The following RTN1 variants were observed in gnomAD, a reference collection of about 807,000 sequenced individuals.
RTN1 encodes the protein reticulon 1, also known as reticulon-1.
In RTN1, 25 loss-of-function variants were observed where a neutral mutation model predicts 65.5. That is an observed-to-expected ratio of 0.38 (90% CI 0.28 to 0.53). RTN1 has a LOEUF of 0.53. RTN1 is among the 20% of genes least tolerant of loss of function. The pLI is 0.79. For missense variants in RTN1, 983 were observed against 1,025.4 expected (o/e 0.96, Z 0.57); for synonymous variants, 471 against 447.6 (o/e 1.05, Z -0.66).
At chr14:59,775,903 C>T (rs541973822) in intron 1 of RTN1, among the ~76,000 whole-genome samples, 1 of 152,204 alleles carries the variant, frequency 6.6e-6, no homozygotes, top group African/African-American at 2.4e-5. Flanking sequence ...CTGTTCCTCT[C>T]ACAACCAGAA....
chr14:59,630,844 G>C, intron 3 of RTN1: 3 of 1,002,504 alleles, frequency 3.0e-6, no homozygotes, highest in Non-Finnish European at 3.6e-6. Context: ...CGGACAGTGG[G>C]TGGGAGGTTT....
intron 3 of RTN1, chr14:59,646,927 C>T (rs1458432839): frequency 6.5e-6 from 1 of 154,132 alleles, no homozygotes; most frequent in Non-Finnish European, 1.5e-5. Flanking sequence ...ATCAAATCCA[C>T]ACATATCAAT....
chr14:59,664,404 C>T (rs140242126), intron 3 of RTN1, among the ~76,000 whole-genome samples: 46 of 152,084 alleles, frequency 3.0e-4, no homozygotes, highest in African/African-American at 9.6e-4. Context: ...CACCATGGCA[C>T]GTATATACCT....
chr14:59,710,156 C>T (rs951081063), intron 3 of RTN1, among the ~76,000 whole-genome samples: 5 of 151,862 alleles, frequency 3.3e-5, no homozygotes, highest in African/African-American at 1.2e-4. Flanking sequence ...GATCCTCTCA[C>T]CTTAGCCTTC....
At chr14:59,834,263 G>GA (rs1887177443) in intron 1 of RTN1, among the ~76,000 whole-genome samples, 1 of 151,970 alleles carries the variant, frequency 6.6e-6, no homozygotes, top group Non-Finnish European at 1.5e-5. Context: ...ATTTCTAGAA[G>GA]AAAACACAGG....
rs1209000797 is a variant in RTN1 at position 59,727,370 on chromosome 14, G to A, written c.1314C>T (p.Gly438=). The stretch of plus-strand genomic sequence containing the variant: ...GCGAGGCGGGCGAGGGCGGCGGGCC[G>A]CCCACGTGGCCAAAGCTCACATAGC... The part of the protein sequence containing the change: ...PSGYVSFGHV[G]GPPPSPASPS... The change falls in exon 3 of 9, where the codon GGC becomes GGT. Residue 438 remains glycine, a synonymous_variant. Coordinates refer to ENST00000267484, the MANE Select transcript of RTN1 (RefSeq NM_021136.3). The surrounding 1 kb of genome is among the most constrained non-coding windows in gnomAD (Gnocchi z 4.2). The A allele has an allele frequency of 1.6e-5, 25 of 1,519,378 alleles. No homozygotes were observed. The highest frequency in any genetic ancestry group is 2.0e-5 in the Non-Finnish European group (23 of 1,133,216). 94.1% of individuals were successfully genotyped at this position (1,519,378 alleles called of 1,614,324 possible). A position where few individuals can be genotyped will look rare whatever the true frequency, so the allele number is the denominator to read the frequency against.
intron 3 of RTN1, among the ~76,000 whole-genome samples, chr14:59,676,450 G>A (rs750272152): frequency 4.5e-4 from 68 of 152,258 alleles, no homozygotes; most frequent in South Asian, 1.7e-3. Flanking sequence ...GTAGTTATAT[G>A]GCCTTAAAGG....
chr14:59,612,262 T>G (rs1280483005), intron 3 of RTN1, among the ~76,000 whole-genome samples: 1 of 152,194 alleles, frequency 6.6e-6, no homozygotes, highest in Non-Finnish European at 1.5e-5. Flanking sequence ...TGATTTTCTC[T>G]TGTAAAGTGG....
At chr14:59,749,242 ATATATCTATATATC>A (rs1885318445) in intron 1 of RTN1, among the ~76,000 whole-genome samples, 3 of 56,906 alleles carry the variant, frequency 5.3e-5, no homozygotes, top group African/African-American at 1.8e-4. Flanking sequence ...ATATATCTAT[ATATATCTATATATC>A]TATATATATC....
At chr14:59,615,953 A>G in intron 3 of RTN1, among the ~76,000 whole-genome samples, 1 of 152,106 alleles carries the variant, frequency 6.6e-6, no homozygotes, top group South Asian at 2.1e-4. Context: ...TACGTATGGT[A>G]ACCTAGGATT....
chr14:59,741,346 AC>A (rs1885113054), intron 2 of RTN1, among the ~76,000 whole-genome samples: 1 of 151,044 alleles, frequency 6.6e-6, no homozygotes. Flanking sequence ...GCCTCTCCTC[AC>A]CCCCACCGCC....
intron 3 of RTN1, among the ~76,000 whole-genome samples, chr14:59,706,276 C>T (rs924098002): frequency 6.6e-6 from 1 of 152,214 alleles, no homozygotes; most frequent in Non-Finnish European, 1.5e-5. Context: ...ATTGTCTCTT[C>T]TCTGGGGCCA....
In RTN1 at chr14:59,870,013, C is replaced by G. The variant is rs189512967; in HGVS notation, c.241+377G>C. On this transcript the variant is annotated intron_variant, in intron 1 of 8. Transcript: ENST00000267484. The surrounding 1 kb of genome is among the most constrained non-coding windows in gnomAD (Gnocchi z 5.1). ...CGCACACTGCGCGCAAACACGCCCC[C>G]CAAAATCCCCACAACCTGTCAAACG... Among the ~76,000 whole-genome samples the G allele has an allele frequency of 3.3e-5, 5 of 152,270 alleles. No homozygotes were observed. The highest frequency in any genetic ancestry group is 9.6e-5 in the African/African-American group (4 of 41,574).
At chr14:59,672,225 T>C (rs958244046) in intron 3 of RTN1, among the ~76,000 whole-genome samples, 1 of 152,124 alleles carries the variant, frequency 6.6e-6, no homozygotes, top group African/African-American at 2.4e-5. Flanking sequence ...ACAACACATA[T>C]GTAAATAGCC....
At position 59,870,607 on chromosome 14, in the gene RTN1, CT is replaced by C; in HGVS notation, c.23del (p.Gln8ArgfsTer26). 1 of 1,431,262 alleles carries C rather than the reference CT, an allele frequency of 7.0e-7. No individual in the cohort carries two copies. Among genetic ancestry groups the C allele is most frequent in the Non-Finnish European group, 9.1e-7 (1 of 1,096,880 alleles). 88.7% of individuals were successfully genotyped at this position (1,431,262 alleles called of 1,614,324 possible). Reference sequence around the variant, plus strand: ...GGCCGGCCAGCGGCAGCAGCTCGTCCTGCGGATCCCCCGGCGCGGCCATGGC... The same window carrying C: ...GGCCGGCCAGCGGCAGCAGCTCGTCCGCGGATCCCCCGGCGCGGCCATGGC... The part of the protein sequence containing the change: MAAPGDP[Q>X]DELLPLAGPG... On this transcript the variant is annotated frameshift_variant, in exon 1 of 9. Transcript: ENST00000267484. LOFTEE classifies it high-confidence loss of function. This position sits in a 1 kb window ranked among gnomAD's most constrained non-coding sequence, Gnocchi z 5.1.
intron 3 of RTN1, among the ~76,000 whole-genome samples, chr14:59,618,463 G>A (rs1882167732): frequency 6.6e-6 from 1 of 152,150 alleles, no homozygotes. Context: ...TGACCAATCG[G>A]CACTCCTGGC....
intron 3 of RTN1, among the ~76,000 whole-genome samples, chr14:59,610,445 A>T (rs185486869): frequency 3.3e-5 from 5 of 152,312 alleles, no homozygotes; most frequent in African/African-American, 1.2e-4. Flanking sequence ...GCACTCTCAT[A>T]TGTTATCTCA....
intron 1 of RTN1, among the ~76,000 whole-genome samples, chr14:59,861,961 A>G (rs1473331343): frequency 6.6e-6 from 1 of 152,316 alleles, no homozygotes; most frequent in South Asian, 2.1e-4. Context: ...TGGCCTGCCT[A>G]GAACAGAATC....
At position 59,657,747 on chromosome 14, in the gene RTN1, C is replaced by T. The variant is rs934349127; in HGVS notation, c.1766-50255G>A. On this transcript the variant is annotated intron_variant, in intron 3 of 8. Transcript: ENST00000267484. ...CACTTTTCCCATGGTCTTTGCAACC[C>T]GCAGACCAGGAGATTCCCTCGGGTA... 7.9e-5 allele frequency among the ~76,000 whole-genome samples: 12 copies of T among 152,186 alleles called. No homozygotes were observed. The East Asian group carries it at 9.6e-4, about 12-fold the overall frequency.
Sources: allele counts gnomAD v4.1 joint callset (sites outside exome capture counted in the v4.1 genomes callset), GRCh38; gene constraint gnomAD v4.1.1; non-coding constraint Gnocchi (gnomAD v3.1); transcripts MANE v1.5; gene names NCBI Gene and HGNC (gene_info 2026-07-23, HGNC 2026-07-21).